The following MIER1 variants were observed in gnomAD, a reference collection of about 807,000 sequenced individuals.
MIER1 encodes mesoderm induction early response protein 1.
MIER1 carries 40 observed loss-of-function variants against 75.7 expected under a neutral mutation model. The ratio of observed to expected loss-of-function variants is 0.53; its 90% confidence interval spans 0.41 to 0.69. The LOEUF is 0.69. MIER1 is among the 30% of genes least tolerant of loss of function. The pLI, the probability that MIER1 is intolerant of heterozygous loss-of-function variation, is 0.00. For missense variants in MIER1, 574 were observed against 680.2 expected (o/e 0.84, Z 1.74); for synonymous variants, 213 against 223.4 (o/e 0.95, Z 0.42).
intron 8 of MIER1, among the ~76,000 whole-genome samples, chr1:66,970,214 A>G (rs142683549): frequency 1.3e-5 from 2 of 152,346 alleles, no homozygotes; most frequent in Middle Eastern, 3.4e-3. Flanking sequence ...ACCTTTAAAA[A>G]AGTAATGACT....
At chr1:66,979,019 T>C (rs1229581888) in intron 12 of MIER1, among the ~76,000 whole-genome samples, 4 of 152,216 alleles carry the variant, frequency 2.6e-5, no homozygotes, top group Non-Finnish European at 5.9e-5. Flanking sequence ...TATAATGGTA[T>C]GACGTGAACT....
rs1446397063 is a variant in MIER1, at chr1:66,946,207, A to G, written c.251A>G (p.His84Arg). The change falls in exon 4 of 14, where the codon CAT (histidine) becomes CGT (arginine). Residue 84 changes from histidine (H) to arginine (R), a missense_variant. His to Arg is a conservative substitution (Grantham distance 29). This residue lies in a region of MIER1 where 309 missense variants were observed against 352.8 expected (regional missense o/e 0.88). Coordinates refer to ENST00000401041, the MANE Select transcript of MIER1 (RefSeq NM_001077700.3). Reference protein sequence around the residue: ...EFDPSADMLVHDFDDERTLEE... With the variant: ...EFDPSADMLVRDFDDERTLEE... The stretch of plus-strand genomic sequence containing the variant: ...GATCCATCAGCTGACATGCTGGTTC[A>G]TGATTTTGATGATGAACGAACATTA... 2.5e-6 allele frequency: 4 copies of G among 1,612,234 alleles called. No homozygotes were observed. Among genetic ancestry groups the G allele is most frequent in the African/African-American group, 1.3e-5 (1 of 74,896 alleles).
At chr1:66,946,050 C>T (rs1006233866) in intron 3 of MIER1, 100 bp from the exon 4 acceptor site, 86 of 1,139,744 alleles carry the variant, frequency 7.5e-5, no homozygotes, top group Non-Finnish European at 1.0e-4. Context: ...TTTCTTGGTA[C>T]TTTTGACTTA....
At chr1:66,932,081 C>G (rs555063157) in intron 2 of MIER1, among the ~76,000 whole-genome samples, 1 of 151,534 alleles carries the variant, frequency 6.6e-6, no homozygotes. Flanking sequence ...ATTTTATTGC[C>G]GAGGGAACTA....
intron 2 of MIER1, among the ~76,000 whole-genome samples, chr1:66,933,126 T>C (rs1248323294): frequency 6.6e-6 from 1 of 152,142 alleles, no homozygotes; most frequent in Non-Finnish European, 1.5e-5. Flanking sequence ...CTTAAAATTA[T>C]TTACCAACCT....
chr1:66,926,242 G>A lies in MIER1; in HGVS notation c.168G>A (p.Leu56=). 1 of 1,605,806 alleles carries A rather than the reference G, an allele frequency of 6.2e-7. No individual in the cohort carries two copies. The highest frequency in any genetic ancestry group is 8.5e-7 in the Non-Finnish European group (1 of 1,172,540). Residue 56 remains leucine, a splice_region_variant and synonymous_variant, in exon 2 of 14, where the codon CTG becomes CTA. Coordinates refer to ENST00000401041, the MANE Select transcript of MIER1 (RefSeq NM_001077700.3). ...RFNADKTDVM[L]PSVESSSPGG... ...ATGCAGACAAGACGGATGTGATGCT[G>A]GTAGGCAGGGGTACACTTGGAGATT...
intron 2 of MIER1, among the ~76,000 whole-genome samples, chr1:66,933,053 A>G (rs1653837066): frequency 6.6e-6 from 1 of 152,186 alleles, no homozygotes; most frequent in Non-Finnish European, 1.5e-5. Context: ...ATGTACTTAG[A>G]ATAAATAGCA....
rs753212464 is a variant in MIER1, at chr1:66,976,637, A to C, written c.1144A>C (p.Met382Leu). Residue 382 changes from methionine to leucine, a missense_variant, in exon 12 of 14, where the codon ATG becomes CTG. Physicochemically the swap from Met to Leu is conservative, Grantham distance 15. Around this residue, in one of 3 missense-constraint regions of MIER1, gnomAD observed 101 missense variants for 173.1 expected, o/e 0.58. Coordinates refer to ENST00000401041, the MANE Select transcript of MIER1 (RefSeq NM_001077700.3). The stretch of plus-strand genomic sequence containing the variant: ...TGGTGAATGTGTAGCATTCTATTAC[A>C]TGTGGAAAAAATCTGAACGTTATGA... The part of the protein sequence containing the change: ...SVGECVAFYY[M>L]WKKSERYDFF... 1 of 1,607,542 alleles carries C rather than the reference A, an allele frequency of 6.2e-7. No individual in the cohort carries two copies. The highest frequency in any genetic ancestry group is 1.7e-5 in the Admixed American group (1 of 58,958).
chr1:66,978,039 A>C (rs770383138), intron 12 of MIER1, among the ~76,000 whole-genome samples: 3 of 152,024 alleles, frequency 2.0e-5, no homozygotes, highest in Non-Finnish European at 4.4e-5. Flanking sequence ...TCTACTAAAA[A>C]TACAAAAATT....
At chr1:66,938,522 G>T (rs1655451116) in intron 2 of MIER1, among the ~76,000 whole-genome samples, 1 of 152,152 alleles carries the variant, frequency 6.6e-6, no homozygotes, top group Admixed American at 6.5e-5. Flanking sequence ...TTAAAATATT[G>T]ATTTACTATG....
intron 9 of MIER1, 68 bp downstream of exon 9, chr1:66,971,027 ATTG>A (rs1190205872): frequency 4.9e-6 from 7 of 1,416,520 alleles, no homozygotes; most frequent in Admixed American, 5.4e-5. Context: ...TGTCACTTGC[ATTG>A]TTGTTATTCT....
chr1:66,946,357 C>G lies in MIER1; in HGVS notation c.339+62C>G, dbSNP rs566240086. 2.8e-5 allele frequency: 41 copies of G among 1,480,598 alleles called. No individual in the cohort carries two copies. In the South Asian group the frequency reaches 5.5e-4, roughly 20 times the overall value. The allele number at this position is 1,480,598 out of a possible 1,614,324, so 91.7% of individuals were successfully genotyped here. On this transcript the variant is annotated intron_variant, in intron 4 of 13. Transcript: ENST00000401041. ...TGACTTTTTTGTGGAAAGGGAAGATCTGAAATTTTGATTCTCTGATTAGGA... is the reference window on the plus strand; with the variant it reads ...TGACTTTTTTGTGGAAAGGGAAGATGTGAAATTTTGATTCTCTGATTAGGA...
chr1:66,975,633 TC>T (rs1328111311), intron 11 of MIER1, among the ~76,000 whole-genome samples: 1 of 152,148 alleles, frequency 6.6e-6, no homozygotes, highest in Admixed American at 6.5e-5. Flanking sequence ...CCACCAGTTC[TC>T]CCGGCTAAGT....
At chr1:66,982,177 C>T (rs1389615742) in intron 13 of MIER1, among the ~76,000 whole-genome samples, 2 of 152,192 alleles carry the variant, frequency 1.3e-5, no homozygotes, top group African/African-American at 4.8e-5. Context: ...TTTTCAGTAG[C>T]ATCTCTTTTC....
intron 2 of MIER1, among the ~76,000 whole-genome samples, chr1:66,934,884 C>T (rs1038455784): frequency 1.3e-5 from 2 of 151,798 alleles, no homozygotes; most frequent in Non-Finnish European, 1.5e-5. Flanking sequence ...CATCTTTCAC[C>T]CTAAAGTAGG....
intron 11 of MIER1, among the ~76,000 whole-genome samples, chr1:66,973,846 T>C (rs1209071583): frequency 2.0e-5 from 3 of 152,102 alleles, no homozygotes; most frequent in Non-Finnish European, 4.4e-5. Flanking sequence ...TGTAATTCCT[T>C]AAAGATAGCT....
rs1666617647 is a variant in MIER1 at position 66,985,162 on chromosome 1, CTTTAG to C, written c.*265_*269del. ...TATCTCTACCTTCTCATTTGAATAT[CTTTAG>C]TTCATTCAGATTTACTAATTTTGGT... On this transcript the variant is annotated 3_prime_UTR_variant, in exon 14 of 14. Coordinates refer to ENST00000401041, the MANE Select transcript of MIER1 (RefSeq NM_001077700.3). The C allele has an allele frequency of 2.0e-5, 20 of 1,017,902 alleles. No individual in the cohort carries two copies. Among genetic ancestry groups the C allele is most frequent in the Non-Finnish European group, 2.4e-5 (20 of 837,738 alleles). 63.1% of individuals were successfully genotyped at this position (1,017,902 alleles called of 1,614,324 possible).
chr1:66,929,142 G>A (rs1328903593), intron 2 of MIER1: 1 of 648,304 alleles, frequency 1.5e-6, no homozygotes, highest in East Asian at 2.8e-5. Context: ...CCCCTATATT[G>A]CATTATAAGT....
At chr1:66,952,461 G>A (rs1659193387) in intron 4 of MIER1, among the ~76,000 whole-genome samples, 1 of 152,066 alleles carries the variant, frequency 6.6e-6, no homozygotes, top group South Asian at 2.1e-4. Flanking sequence ...GAATTTGGGG[G>A]TGCAGAGACA....
Sources: allele counts gnomAD v4.1 joint callset (sites outside exome capture counted in the v4.1 genomes callset), GRCh38; gene constraint gnomAD v4.1.1; regional missense constraint gnomAD v4.1.1; transcripts MANE v1.5; gene names NCBI Gene and HGNC (gene_info 2026-07-23, HGNC 2026-07-21).